Variants in NHSL3 observed in about 807,000 individuals in gnomAD.
NHSL3 encodes the protein NHS-like protein 3.
chr1:32,772,116 G>A, the NHSL3 span: 13 of 1,613,212 alleles, frequency 8.1e-6, no homozygotes, highest in African/African-American at 1.3e-4. Context: ...AGGGCTCTAG[G>A]AAGCTGCAGC....
the NHSL3 span, among the ~76,000 whole-genome samples, chr1:32,758,949 G>A: frequency 3.9e-5 from 6 of 152,146 alleles, no homozygotes; most frequent in Non-Finnish European, 8.8e-5. Flanking sequence ...GAGAGATAGG[G>A]AGCTGATGTC....
the NHSL3 span, among the ~76,000 whole-genome samples, chr1:32,749,235 A>G: frequency 6.6e-6 from 1 of 152,114 alleles, no homozygotes; most frequent in Non-Finnish European, 1.5e-5. Context: ...GCCTCAGGCA[A>G]AGCACGTGCT....
the NHSL3 span, chr1:32,772,206 G>A: frequency 6.2e-7 from 1 of 1,611,884 alleles, no homozygotes; most frequent in Non-Finnish European, 8.5e-7. Context: ...TCTCAGAGCA[G>A]CGGCCACCCC....
At chr1:32,767,938 C>T in the NHSL3 span, 3 of 1,613,830 alleles carry the variant, frequency 1.9e-6, no homozygotes, top group African/African-American at 1.3e-5. Flanking sequence ...AGGAGGGGCT[C>T]CGCTCCCTAC....
At chr1:32,771,653 T>G in the NHSL3 span, 8 of 1,611,994 alleles carry the variant, frequency 5.0e-6, no homozygotes, top group East Asian at 1.8e-4. Context: ...GCTACTGCTT[T>G]GCAGATTCAG....
At chr1:32,762,978 A>ATTTTT in the NHSL3 span, among the ~76,000 whole-genome samples, 1 of 126,176 alleles carries the variant, frequency 7.9e-6, no homozygotes, top group South Asian at 2.5e-4. Flanking sequence ...CTAGCCTGGA[A>ATTTTT]TTTTTTTTTT....
the NHSL3 span, among the ~76,000 whole-genome samples, chr1:32,755,439 TG>T: frequency 6.6e-6 from 1 of 151,860 alleles, no homozygotes; most frequent in East Asian, 1.9e-4. Flanking sequence ...GAGGGGGTGG[TG>T]GAAAGAGCCT....
the NHSL3 span, chr1:32,742,260 G>T: frequency 8.2e-7 from 1 of 1,222,244 alleles, no homozygotes; most frequent in East Asian, 3.2e-5. Context: ...TCTGCCGGGG[G>T]TCCGCGCGCG....
At chr1:32,769,546 G>C in the NHSL3 span, 1 of 761,738 alleles carries the variant, frequency 1.3e-6, no homozygotes, top group Admixed American at 2.0e-5. Context: ...GTTTAACCTA[G>C]CCTTGCCCAT....
At chr1:32,761,918 G>C in the NHSL3 span, among the ~76,000 whole-genome samples, 1 of 152,046 alleles carries the variant, frequency 6.6e-6, no homozygotes, top group East Asian at 1.9e-4. Flanking sequence ...TTTTTCAGAG[G>C]GGAGATCAGG....
chr1:32,750,899 A>T, the NHSL3 span, among the ~76,000 whole-genome samples: 2 of 143,000 alleles, frequency 1.4e-5, no homozygotes, highest in Non-Finnish European at 3.1e-5. Flanking sequence ...GCAACCTCTG[A>T]CTCCCAGGTT....
At chr1:32,771,711 T>A in the NHSL3 span, 3 of 1,613,090 alleles carry the variant, frequency 1.9e-6, no homozygotes, top group Non-Finnish European at 2.5e-6. Context: ...CCCCAGCTCC[T>A]GCTAGTTCCG....
the NHSL3 span, chr1:32,774,797 T>C: frequency 1.3e-5 from 2 of 152,596 alleles, no homozygotes; most frequent in Admixed American, 6.5e-5. Context: ...CAAAAGCCTC[T>C]GATTTTTAAT....
At chr1:32,751,306 T>G in the NHSL3 span, among the ~76,000 whole-genome samples, 1 of 152,130 alleles carries the variant, frequency 6.6e-6, no homozygotes, top group Non-Finnish European at 1.5e-5. Flanking sequence ...GTGAAAGTAT[T>G]TATGCGCTAT....
the NHSL3 span, among the ~76,000 whole-genome samples, chr1:32,756,170 C>T: frequency 1.4e-4 from 21 of 152,196 alleles, no homozygotes; most frequent in Non-Finnish European, 2.4e-4. Flanking sequence ...GTGTGAGGGG[C>T]TAGGAAATAT....
At chr1:32,772,143 C>T in the NHSL3 span, 1 of 1,613,380 alleles carries the variant, frequency 6.2e-7, no homozygotes, top group East Asian at 2.2e-5. Context: ...GGCCCGTGTC[C>T]CCTGAGACCC....
chr1:32,771,547 C>T, the NHSL3 span: 1 of 1,606,974 alleles, frequency 6.2e-7, no homozygotes, highest in Non-Finnish European at 8.5e-7. Flanking sequence ...CTTCCCCCCA[C>T]CAGAGGAGGC....
the NHSL3 span, among the ~76,000 whole-genome samples, chr1:32,761,118 G>A: frequency 6.6e-6 from 1 of 152,198 alleles, no homozygotes; most frequent in African/African-American, 2.4e-5. Context: ...GGTATGGGAT[G>A]CTTCCCTCAT....
chr1:32,765,636 C>CTGGAGCCGG, the NHSL3 span: 1 of 1,530,050 alleles, frequency 6.5e-7, no homozygotes, highest in Non-Finnish European at 8.7e-7. Context: ...CCTCCTCTGT[C>CTGGAGCCGG]TGGAGCCGGT....
Sources: allele counts gnomAD v4.1 joint callset (sites outside exome capture counted in the v4.1 genomes callset), GRCh38; gene constraint gnomAD v4.1.1; transcripts MANE v1.5; gene names NCBI Gene and HGNC (gene_info 2026-07-23, HGNC 2026-07-21).